TNIK: variants seen among roughly 807,000 people sequenced by gnomAD.
TNIK encodes the protein TRAF2 and NCK-interacting protein kinase.
Under a neutral mutation model 191.3 loss-of-function variants are expected in TNIK, and 49 were observed. The observed-to-expected ratio is 0.26, with a 90% CI of 0.20 to 0.32. TNIK has a LOEUF of 0.32. Ranked by LOEUF, TNIK falls within the 10% of genes least tolerant of loss-of-function variation. TNIK has a pLI of 1.00. For missense variants in TNIK, 1,155 were observed against 1,702.3 expected (o/e 0.68, Z 5.66); for synonymous variants, 594 against 600.9 (o/e 0.99, Z 0.17).
In TNIK at chr3:171,202,148, T is replaced by A. The variant is rs1169390207; in HGVS notation, c.307-7513A>T. Among the ~76,000 whole-genome samples the A allele has an allele frequency of 1.1e-4, 17 of 152,234 alleles. No individual in the cohort carries two copies. The East Asian group carries it at 3.3e-3, about 29-fold the overall frequency. On this transcript the variant is annotated intron_variant, in intron 4 of 32. Transcript: ENST00000436636. ...AGAAACGTTACGGACATTAGCTGCATCTTGTATTTGGTGTCTGGACTCAAA... is the reference window on the plus strand; with the variant it reads ...AGAAACGTTACGGACATTAGCTGCAACTTGTATTTGGTGTCTGGACTCAAA...
intron 8 of TNIK, 137 bp downstream of exon 8, chr3:171,177,189 G>C: frequency 1.4e-6 from 1 of 721,492 alleles, no homozygotes; most frequent in Non-Finnish European, 2.1e-6. Context: ...AGATGACTCT[G>C]CTTTCTAAAT....
At chr3:171,374,514 A>G (rs1716954548) in intron 1 of TNIK, among the ~76,000 whole-genome samples, 5 of 152,216 alleles carry the variant, frequency 3.3e-5, no homozygotes, top group Admixed American at 3.3e-4. Flanking sequence ...CATGGAAGAA[A>G]GTTACATACA....
intron 7 of TNIK, among the ~76,000 whole-genome samples, chr3:171,187,927 C>G (rs180770292): frequency 2.8e-4 from 43 of 152,324 alleles, no homozygotes; most frequent in Admixed American, 2.0e-3. Context: ...AACCCACACA[C>G]AGTTCCTAGA....
chr3:171,077,288 G>C (rs538189584), intron 28 of TNIK, among the ~76,000 whole-genome samples: 3 of 152,120 alleles, frequency 2.0e-5, no homozygotes, highest in African/African-American at 7.2e-5. Flanking sequence ...TGTCACCCCA[G>C]GTTCCCTTCA....
intron 2 of TNIK, among the ~76,000 whole-genome samples, chr3:171,235,770 G>T (rs1036317926): frequency 1.7e-4 from 10 of 60,418 alleles, no homozygotes; most frequent in Non-Finnish European, 3.1e-4. Flanking sequence ...TGTTTTGGTG[G>T]GGGGGGGGTT....
At chr3:171,436,927 T>C (rs1236311935) in intron 1 of TNIK, among the ~76,000 whole-genome samples, 1 of 152,106 alleles carries the variant, frequency 6.6e-6, no homozygotes, top group Non-Finnish European at 1.5e-5. Flanking sequence ...CCCCCTTGGA[T>C]CATTTGGCGA....
intron 4 of TNIK, among the ~76,000 whole-genome samples, chr3:171,205,275 G>T (rs1254692483): frequency 1.3e-5 from 2 of 152,180 alleles, no homozygotes; most frequent in Non-Finnish European, 2.9e-5. Flanking sequence ...ACTAGGAAAA[G>T]AAATGACGCT....
intron 1 of TNIK, among the ~76,000 whole-genome samples, chr3:171,386,487 C>T (rs1560006738): frequency 6.6e-6 from 1 of 152,150 alleles, no homozygotes. Context: ...AGTCAGTCCA[C>T]CAGAATCTCT....
At chr3:171,139,393 CACACACACACACACACACACAA>C in intron 14 of TNIK, 55 bp downstream of exon 14, 1 of 1,126,364 alleles carries the variant, frequency 8.9e-7, no homozygotes. Context: ...CACACACACA[CACACACACACACACACACACAA>C]ACACTTGCAA....
rs1220655289 is a variant in TNIK at position 171,366,874 on chromosome 3, A to G, written c.123+2746T>C. On this transcript the variant is annotated intron_variant, in intron 2 of 32. Coordinates refer to ENST00000436636, the MANE Select transcript of TNIK (RefSeq NM_015028.4). The surrounding 1 kb of genome is among the most constrained non-coding windows in gnomAD (Gnocchi z 4.1). Reference sequence around the variant, plus strand: ...TTCTCATGATAGTGAGTTAGTTCTCATGAGATCTGATGGTTTTATAAGAGG... The same window carrying G: ...TTCTCATGATAGTGAGTTAGTTCTCGTGAGATCTGATGGTTTTATAAGAGG... Among the ~76,000 whole-genome samples the G allele has an allele frequency of 6.6e-6, 1 of 152,154 alleles. No individual in the cohort carries two copies. The highest frequency in any genetic ancestry group is 2.4e-5 in the African/African-American group (1 of 41,430).
chr3:171,165,134 A>G (rs895777207), intron 10 of TNIK, among the ~76,000 whole-genome samples: 1 of 152,116 alleles, frequency 6.6e-6, no homozygotes, highest in African/African-American at 2.4e-5. Flanking sequence ...CTAAAAATCT[A>G]AAAAAATATA....
At chr3:171,420,850 G>T (rs1577872255) in intron 1 of TNIK, among the ~76,000 whole-genome samples, 1 of 152,216 alleles carries the variant, frequency 6.6e-6, no homozygotes, top group Non-Finnish European at 1.5e-5. Context: ...AGCATCTATT[G>T]TGTGGATACA....
In TNIK at chr3:171,365,161, C is replaced by CTTTTTTTTTTTTTTTTTTTTTTT. The variant is rs60887361; in HGVS notation, c.123+4436_123+4458dup. ...AAGGACTACACAAAAGGACTACATT[C>CTTTTTTTTTTTTTTTTTTTTTTT]TTTTTTTTTTTTTTTTTTTTTTTTT... On this transcript the variant is annotated intron_variant, in intron 2 of 32. Coordinates refer to ENST00000436636, the MANE Select transcript of TNIK (RefSeq NM_015028.4). Among the ~76,000 whole-genome samples the CTTTTTTTTTTTTTTTTTTTTTTT allele has an allele frequency of 1.3e-3, 43 of 31,934 alleles. 15 individuals carry two copies. The highest frequency in any genetic ancestry group is 2.4e-3 in the Non-Finnish European group (37 of 15,444). 20.9% of individuals were successfully genotyped at this position (31,934 alleles called of 152,430 possible).
chr3:171,101,268 G>A (rs748252156), intron 22 of TNIK, among the ~76,000 whole-genome samples, 181 bp downstream of exon 22: 40 of 152,096 alleles, frequency 2.6e-4, no homozygotes, highest in Non-Finnish European at 5.1e-4. Flanking sequence ...TATTCTAAGT[G>A]ATTGTGTCCA....
chr3:171,369,771 G>T, intron 1 of TNIK, 86 bp from the exon 2 acceptor site: 2 of 1,109,124 alleles, frequency 1.8e-6, no homozygotes, highest in Non-Finnish European at 2.6e-6. Flanking sequence ...TTTAAATTAA[G>T]CAAATAAATA....
intron 2 of TNIK, among the ~76,000 whole-genome samples, chr3:171,241,608 A>T (rs1325863200): frequency 6.6e-6 from 1 of 152,230 alleles, no homozygotes; most frequent in Non-Finnish European, 1.5e-5. Context: ...CTGTAAATAT[A>T]TATGCTTTAT....
At chr3:171,240,751 A>T (rs1744864425) in intron 2 of TNIK, among the ~76,000 whole-genome samples, 1 of 152,064 alleles carries the variant, frequency 6.6e-6, no homozygotes, top group South Asian at 2.1e-4. Flanking sequence ...TATATCTAAA[A>T]CTTCAACTCC....
chr3:171,405,951 C>T (rs1482556174), intron 1 of TNIK, among the ~76,000 whole-genome samples: 1 of 152,000 alleles, frequency 6.6e-6, no homozygotes, highest in Non-Finnish European at 1.5e-5. Context: ...GTCTAAGTCC[C>T]CAGAAGAATC....
At chr3:171,439,796 T>C (rs1011859163) in intron 1 of TNIK, among the ~76,000 whole-genome samples, 4 of 152,210 alleles carry the variant, frequency 2.6e-5, no homozygotes, top group Non-Finnish European at 5.9e-5. Flanking sequence ...GCTGAAAGTC[T>C]TGCCCTAACC....
Sources: gnomAD v4.1 joint callset for allele counts (sites outside exome capture counted in the v4.1 genomes callset) on GRCh38, gnomAD v4.1.1 for gene constraint, Gnocchi (gnomAD v3.1) non-coding constraint, MANE v1.5 for transcripts, NCBI Gene and HGNC (gene_info 2026-07-23, HGNC 2026-07-21) for gene names.